TAF3: variants seen among roughly 807,000 people sequenced by gnomAD.
TAF3 encodes TATA-box binding protein associated factor 3.
A neutral mutation model predicts 80.6 loss-of-function variants in TAF3; 7 were observed. That is an observed-to-expected ratio of 0.09 (90% CI 0.05 to 0.16). TAF3 has a LOEUF of 0.16. Ranked by LOEUF, TAF3 falls within the 10% of genes least tolerant of loss-of-function variation. The pLI is 1.00. For synonymous variants in TAF3, 444 were observed against 446.1 expected (o/e 1.00, Z 0.06); for missense variants, 921 against 1,140.2 (o/e 0.81, Z 2.77).
At chr10:7,859,671 C>G (rs1312473318) in intron 2 of TAF3, among the ~76,000 whole-genome samples, 1 of 152,176 alleles carries the variant, frequency 6.6e-6, no homozygotes, top group Admixed American at 6.5e-5. Context: ...GTGTTGTATT[C>G]CACTTTTCCG....
intron 3 of TAF3, 105 bp downstream of exon 3, chr10:7,965,847 T>C (rs1831566294): frequency 7.4e-7 from 1 of 1,360,166 alleles, no homozygotes; most frequent in African/African-American, 1.5e-5. Flanking sequence ...AAATCACCCA[T>C]CACTTAAGTG....
chr10:7,935,679 C>G (rs1837912291), intron 2 of TAF3, among the ~76,000 whole-genome samples: 1 of 152,120 alleles, frequency 6.6e-6, no homozygotes, highest in South Asian at 2.1e-4. Flanking sequence ...GAAGGGGGCT[C>G]TGATAAGTGA....
At chr10:8,003,946 T>A (rs1198387273) in intron 4 of TAF3, among the ~76,000 whole-genome samples, 1 of 152,162 alleles carries the variant, frequency 6.6e-6, no homozygotes, top group Non-Finnish European at 1.5e-5. Context: ...ATATAGTTAT[T>A]TTCATAAAAA....
intron 2 of TAF3, among the ~76,000 whole-genome samples, chr10:7,963,697 A>G (rs562189040): frequency 6.6e-6 from 1 of 152,112 alleles, no homozygotes; most frequent in Non-Finnish European, 1.5e-5. Flanking sequence ...GTTAGGAGAA[A>G]TACCTAATGT....
At chr10:7,844,705 C>G (rs1312674848) in intron 2 of TAF3, among the ~76,000 whole-genome samples, 1 of 152,058 alleles carries the variant, frequency 6.6e-6, no homozygotes, top group East Asian at 1.9e-4. Context: ...CTATGCCTGT[C>G]TTTTTCCATT....
chr10:7,894,682 A>G (rs934657655), intron 2 of TAF3, among the ~76,000 whole-genome samples: 2 of 152,218 alleles, frequency 1.3e-5, no homozygotes, highest in Non-Finnish European at 2.9e-5. Context: ...AATTTTATAT[A>G]TGTTTGTTAA....
intron 4 of TAF3, among the ~76,000 whole-genome samples, chr10:8,000,433 G>A (rs7895109): frequency 0.16 from 24,672 of 151,228 alleles, 2,763 homozygotes; most frequent in African/African-American, 0.32. Flanking sequence ...TTTTTTTTAT[G>A]CAAGTTATGT....
At chr10:7,901,295 C>T (rs1403731268) in intron 2 of TAF3, among the ~76,000 whole-genome samples, 1 of 152,158 alleles carries the variant, frequency 6.6e-6, no homozygotes, top group Non-Finnish European at 1.5e-5. Context: ...CTGCGTAGTC[C>T]ATGCCACAGA....
intron 2 of TAF3, among the ~76,000 whole-genome samples, chr10:7,860,580 A>AT (rs2131134920): frequency 6.6e-6 from 1 of 152,290 alleles, no homozygotes; most frequent in East Asian, 1.9e-4. Flanking sequence ...ATAGAAAAAA[A>AT]CAAAAAAGAT....
At chr10:7,943,005 A>T (rs1837990697) in intron 2 of TAF3, among the ~76,000 whole-genome samples, 1 of 152,152 alleles carries the variant, frequency 6.6e-6, no homozygotes, top group South Asian at 2.1e-4. Flanking sequence ...ATCTCTCCTG[A>T]GTTGCTACAG....
chr10:7,920,324 GTGTGTGTA>G (rs1196253674), intron 2 of TAF3, among the ~76,000 whole-genome samples: 2 of 33,850 alleles, frequency 5.9e-5, no homozygotes, highest in African/African-American at 1.1e-4. Flanking sequence ...GTGTGTGTGT[GTGTGTGTA>G]TGTGTGTGTG....
intron 4 of TAF3, among the ~76,000 whole-genome samples, chr10:7,999,690 C>T (rs571217502): frequency 6.6e-6 from 1 of 152,316 alleles, no homozygotes; most frequent in South Asian, 2.1e-4. Flanking sequence ...CTCCTGACCT[C>T]AGGCAGTCCT....
At chr10:7,973,858 G>A (rs768591337) in intron 3 of TAF3, among the ~76,000 whole-genome samples, 6 of 152,068 alleles carry the variant, frequency 3.9e-5, no homozygotes, top group Admixed American at 6.6e-5. Flanking sequence ...AGCCAGGCAC[G>A]GTGGCTCACG....
chr10:7,915,642 CAAA>C (rs546868294), intron 2 of TAF3, among the ~76,000 whole-genome samples: 7 of 78,012 alleles, frequency 9.0e-5, no homozygotes, highest in Non-Finnish European at 9.7e-5. Context: ...AACTCCGTCT[CAAA>C]AAAAAAAAAA....
At chr10:7,896,571 G>A (rs929741747) in intron 2 of TAF3, among the ~76,000 whole-genome samples, 2 of 152,156 alleles carry the variant, frequency 1.3e-5, no homozygotes, top group East Asian at 1.9e-4. Flanking sequence ...TTCGACAGTC[G>A]CATTTGGGGA....
At position 7,965,376 on chromosome 10, in the gene TAF3, T is replaced by G. The variant is rs1480171502; in HGVS notation, c.1866T>G (p.Asp622Glu). The change falls in exon 3 of 7, where the codon GAT becomes GAG. Residue 622 changes from aspartate (D) to glutamate (E), a missense_variant. Physicochemically the swap from Asp to Glu is conservative, Grantham distance 45. Coordinates refer to ENST00000344293, the MANE Select transcript of TAF3 (RefSeq NM_031923.4). ...AGAAGCATAAAGATAAGAAGAAAGA[T>G]AGAGAGAAAGGCAAGAAAGATAAAG... is the stretch of plus-strand genomic sequence containing the variant. Reference protein sequence around the residue: ...EKEKHKDKKKDREKGKKDKDK... With the variant: ...EKEKHKDKKKEREKGKKDKDK... 4 of 1,606,868 alleles carry G rather than the reference T, an allele frequency of 2.5e-6. No individual in the cohort carries two copies. Among genetic ancestry groups the G allele is most frequent in the Admixed American group, 1.7e-5 (1 of 58,336 alleles).
chr10:7,905,938 T>G (rs1214391992), intron 2 of TAF3, among the ~76,000 whole-genome samples: 1 of 152,132 alleles, frequency 6.6e-6, no homozygotes, highest in Admixed American at 6.5e-5. Context: ...TTATCAAATA[T>G]ATGGTAAATG....
intron 2 of TAF3, among the ~76,000 whole-genome samples, chr10:7,883,517 A>G (rs911524811): frequency 2.6e-5 from 4 of 152,190 alleles, no homozygotes; most frequent in African/African-American, 9.7e-5. Context: ...ATTGATAGCT[A>G]TCTGGTGGAG....
chr10:7,826,646 ATGTGGATTAAGAAGGAAAAATAT>A, intron 2 of TAF3, among the ~76,000 whole-genome samples: 1 of 152,318 alleles, frequency 6.6e-6, no homozygotes, highest in East Asian at 1.9e-4. Context: ...TATCTAACAC[ATGTGGATTAAGAAGGAAAAATAT>A]TGCTGATTTG....
Sources: gnomAD v4.1 joint callset for allele counts (sites outside exome capture counted in the v4.1 genomes callset) on GRCh38, gnomAD v4.1.1 for gene constraint, MANE v1.5 for transcripts, NCBI Gene and HGNC (gene_info 2026-07-23, HGNC 2026-07-21) for gene names.